Variants in TAFA1 observed in about 807,000 individuals in gnomAD.
TAFA1 encodes the protein chemokine-like protein TAFA-1.
In TAFA1, 4 loss-of-function variants were observed where a neutral mutation model predicts 18.5. That is an observed-to-expected ratio of 0.22 (90% CI 0.11 to 0.49). The LOEUF (loss-of-function observed/expected upper bound fraction) is 0.49, where lower values mean the gene tolerates loss of function less well. Ranked by LOEUF, TAFA1 falls within the 20% of genes least tolerant of loss-of-function variation. TAFA1 has a pLI of 0.98. For missense variants in TAFA1, 147 were observed against 169.0 expected, an observed-to-expected ratio of 0.87 and a Z score of 0.72; for synonymous variants, 56 against 55.2, an observed-to-expected ratio of 1.01 and a Z score of -0.06.
intron 2 of TAFA1, among the ~76,000 whole-genome samples, chr3:68,278,663 G>A (rs2067839558): frequency 6.6e-6 from 1 of 152,072 alleles, no homozygotes; most frequent in Non-Finnish European, 1.5e-5. Flanking sequence ...TGTAAGCCCA[G>A]GTGTCCCCTT....
At chr3:68,198,031 T>A (rs1163953695) in intron 2 of TAFA1, among the ~76,000 whole-genome samples, 1 of 151,752 alleles carries the variant, frequency 6.6e-6, no homozygotes, top group East Asian at 2.0e-4. Flanking sequence ...ACTCATTTAA[T>A]GAATGAATGA....
intron 2 of TAFA1, among the ~76,000 whole-genome samples, chr3:68,264,665 A>T (rs576247585): frequency 6.6e-6 from 1 of 152,182 alleles, no homozygotes; most frequent in Non-Finnish European, 1.5e-5. Context: ...AACACAGTCA[A>T]TGAAAGTCTT....
chr3:68,152,695 T>A (rs1277596938), intron 2 of TAFA1, among the ~76,000 whole-genome samples: 1 of 152,148 alleles, frequency 6.6e-6, no homozygotes, highest in Non-Finnish European at 1.5e-5. Context: ...TCACCTCTCC[T>A]CTGTGTTGGC....
intron 2 of TAFA1, among the ~76,000 whole-genome samples, chr3:68,265,441 G>A (rs892312125): frequency 6.6e-6 from 1 of 152,124 alleles, no homozygotes; most frequent in East Asian, 1.9e-4. Flanking sequence ...CACTCACACA[G>A]CATCCTACCA....
chr3:68,291,888 T>C (rs2068116004), intron 2 of TAFA1, among the ~76,000 whole-genome samples: 1 of 152,188 alleles, frequency 6.6e-6, no homozygotes, highest in Non-Finnish European at 1.5e-5. Flanking sequence ...GTCTTTAAAA[T>C]CTAATCATCT....
At chr3:68,420,186 G>C (rs17830713) in intron 3 of TAFA1, among the ~76,000 whole-genome samples, 6 of 151,992 alleles carry the variant, frequency 3.9e-5, no homozygotes, top group Non-Finnish European at 8.8e-5. Flanking sequence ...CCTTTGCCCA[G>C]CTAGTCACAG....
At chr3:68,503,619 T>G (rs1435780005) in intron 3 of TAFA1, among the ~76,000 whole-genome samples, 1 of 152,174 alleles carries the variant, frequency 6.6e-6, no homozygotes, top group East Asian at 1.9e-4. Context: ...GACTTGACAT[T>G]GTGAATATAC....
Position 68,071,546 on chromosome 3 carries a change from T to C in TAFA1, c.118+64802T>C, listed in dbSNP as rs145985521. Among the ~76,000 whole-genome samples the C allele has an allele frequency of 2.9e-3, 449 of 152,246 alleles. 1 individual carries two copies. Among genetic ancestry groups the C allele is most frequent in the African/African-American group, 0.01 (428 of 41,548 alleles). On this transcript the variant is annotated intron_variant, in intron 2 of 4. Transcript: ENST00000478136. ...CTGGAAGAGGTGTGGTATAGGAATT[T>C]GAAACAGAACTCTGGAGCCAGGGAG...
intron 2 of TAFA1, among the ~76,000 whole-genome samples, chr3:68,363,353 C>T (rs1343526651): frequency 6.6e-6 from 1 of 152,120 alleles, no homozygotes; most frequent in African/African-American, 2.4e-5. Flanking sequence ...CCTTTCTGTC[C>T]TCTGTGCTAG....
At chr3:68,095,108 G>C (rs566993920) in intron 2 of TAFA1, among the ~76,000 whole-genome samples, 40 of 152,244 alleles carry the variant, frequency 2.6e-4, no homozygotes, top group Non-Finnish European at 4.9e-4. Context: ...CTTCCAGCCA[G>C]AGAGATCTGA....
At chr3:68,060,204 T>TTGTGTGTGTGTGTGTGTGTGTTTGTG (rs56680758) in intron 2 of TAFA1, among the ~76,000 whole-genome samples, 1 of 150,032 alleles carries the variant, frequency 6.7e-6, no homozygotes, top group Non-Finnish European at 1.5e-5. Flanking sequence ...GTGTGTGTGT[T>TTGTGTGTGTGTGTGTGTGTGTTTGTG]TGTGTGTGTG....
intron 2 of TAFA1, among the ~76,000 whole-genome samples, chr3:68,333,439 T>G (rs2068915084): frequency 6.6e-6 from 1 of 152,056 alleles, no homozygotes; most frequent in African/African-American, 2.4e-5. Context: ...ACAGTACATA[T>G]GAACACAAGG....
At position 68,352,435 on chromosome 3, in the gene TAFA1, C is replaced by T. The variant is rs761264838; in HGVS notation, c.119-64845C>T. On this transcript the variant is annotated intron_variant, in intron 2 of 4. Coordinates refer to ENST00000478136, the MANE Select transcript of TAFA1 (RefSeq NM_213609.4). The stretch of plus-strand genomic sequence containing the variant: ...AGGCAAAGAAAGTAGTTTTAGGCTT[C>T]CAGAGGTGAAAAACTATGGAAAGGT... Among the ~76,000 whole-genome samples, 22 of 152,022 alleles carry T rather than the reference C, an allele frequency of 1.4e-4. 1 individual carries two copies. In the South Asian group the frequency reaches 1.7e-3, roughly 11 times the overall value.
chr3:68,084,730 G>A (rs373627877), intron 2 of TAFA1, among the ~76,000 whole-genome samples: 30 of 151,750 alleles, frequency 2.0e-4, no homozygotes, highest in African/African-American at 6.5e-4. Context: ...GCCGGGAGGC[G>A]GAGGTTGCAG....
chr3:68,149,958 C>T (rs963071231), intron 2 of TAFA1, among the ~76,000 whole-genome samples: 4 of 152,168 alleles, frequency 2.6e-5, no homozygotes, highest in African/African-American at 9.7e-5. Flanking sequence ...TTAAGGTCCA[C>T]CTCCACCTGA....
rs140600575 is a variant in TAFA1, at chr3:68,271,815, ATCTC to A, written c.119-145446_119-145443del. Among the ~76,000 whole-genome samples, 26 of 147,356 alleles carry A rather than the reference ATCTC, an allele frequency of 1.8e-4. No homozygotes were observed. In the South Asian group the frequency reaches 4.1e-3, roughly 23 times the overall value. On this transcript the variant is annotated intron_variant, in intron 2 of 4. Coordinates refer to ENST00000478136, the MANE Select transcript of TAFA1 (RefSeq NM_213609.4). ...CCCTGTCTCTTTTGCCTCTTTGTCT[ATCTC>A]TCTCTCTCTCTCTCTCTCACACACA... is the stretch of plus-strand genomic sequence containing the variant.
intron 3 of TAFA1, among the ~76,000 whole-genome samples, chr3:68,501,172 AAAAG>A (rs2072652265): frequency 6.6e-6 from 1 of 151,738 alleles, no homozygotes; most frequent in Admixed American, 6.6e-5. Flanking sequence ...AAAAAAAAAA[AAAAG>A]GGAAAATGTT....
At chr3:68,197,876 G>A (rs1400846536) in intron 2 of TAFA1, among the ~76,000 whole-genome samples, 2 of 151,702 alleles carry the variant, frequency 1.3e-5, no homozygotes, top group Admixed American at 6.6e-5. Context: ...TGGGTTGGAA[G>A]TTTCTAAGAC....
rs1156602888 is a variant in TAFA1, at chr3:68,140,580, CACTT to C, written c.118+133841_118+133844del. Among the ~76,000 whole-genome samples the C allele has an allele frequency of 9.2e-5, 14 of 152,262 alleles. No homozygotes were observed. The East Asian group carries it at 2.7e-3, about 29-fold the overall frequency. On this transcript the variant is annotated intron_variant, in intron 2 of 4. Coordinates refer to ENST00000478136, the MANE Select transcript of TAFA1 (RefSeq NM_213609.4). ...AGTCCTGGGCTGAACACTTTCCTGC[CACTT>C]ACTTGACTTCCAACTTTGATCAAGT... is the stretch of plus-strand genomic sequence containing the variant.
Sources: gnomAD v4.1 joint callset for allele counts (sites outside exome capture counted in the v4.1 genomes callset) on GRCh38, gnomAD v4.1.1 for gene constraint, MANE v1.5 for transcripts, NCBI Gene and HGNC (gene_info 2026-07-23, HGNC 2026-07-21) for gene names.